The following MBD1 variants were observed in gnomAD, a reference collection of about 807,000 sequenced individuals.
MBD1 encodes the protein methyl-CpG binding domain protein 1.
A neutral mutation model predicts 82.6 loss-of-function variants in MBD1; 25 were observed. The observed-to-expected ratio is 0.30, with a 90% CI of 0.22 to 0.42. The LOEUF (loss-of-function observed/expected upper bound fraction) is 0.42. MBD1 is among the 10% of genes least tolerant of loss of function. The probability of loss-of-function intolerance (pLI) is 1.00; values close to 1 mark genes in which losing one functional copy is unlikely to be tolerated. For missense variants in MBD1, 627 were observed against 819.6 expected, an observed-to-expected ratio of 0.76 and a Z score of 2.87; for synonymous variants, 301 against 303.7, an observed-to-expected ratio of 0.99 and a Z score of 0.09.
At chr18:50,281,664 CT>C, upstream of MBD1, 1 of 436,076 alleles carries the variant, frequency 2.3e-6, no homozygotes, top group Non-Finnish European at 4.0e-6. Flanking sequence ...GCGCGCCCCC[CT>C]GCCGAGAGCC....
chr18:50,269,469 CTGGG>C lies in MBD1; in HGVS notation c.*378_*381del. The C allele has an allele frequency of 4.1e-6, 3 of 740,372 alleles. No homozygotes were observed. The highest frequency in any genetic ancestry group is 3.6e-4 in the Middle Eastern group (1 of 2,768). 45.9% of individuals were successfully genotyped at this position (740,372 alleles called of 1,614,324 possible). ...TGTTTTTACACTTGGAAGGTTGGTG[CTGGG>C]GCACCAGGCGTTGTTGCAGTTCACA... On this transcript the variant is annotated 3_prime_UTR_variant, in exon 17 of 17. Coordinates refer to ENST00000269468, the MANE Select transcript of MBD1 (RefSeq NM_015846.4).
intron 15 of MBD1, 115 bp from the exon 16 acceptor site, chr18:50,271,655 C>T (rs949960665): frequency 8.9e-7 from 1 of 1,125,384 alleles, no homozygotes; most frequent in Non-Finnish European, 1.3e-6. Flanking sequence ...CCTTAATTAT[C>T]CTTTATCTTT....
intron 2 of MBD1, chr18:50,279,606 G>A (rs2039419718): frequency 2.4e-6 from 1 of 411,676 alleles, no homozygotes; most frequent in Admixed American, 3.6e-5. Flanking sequence ...AAGCTGAAAA[G>A]GGCTCCTTCA....
At position 50,272,827 on chromosome 18, in the gene MBD1, G is replaced by C; in HGVS notation, c.1713C>G (p.Pro571=). The C allele has an allele frequency of 1.2e-6, 2 of 1,614,136 alleles. No individual in the cohort carries two copies. Among genetic ancestry groups the C allele is most frequent in the Non-Finnish European group, 1.7e-6 (2 of 1,179,998 alleles). The change falls in exon 14 of 17, where the codon CCC becomes CCG. Residue 571 remains proline (P), a synonymous_variant. Transcript: ENST00000269468. ...GTGGGGCATCCCCAGCACTGACCACGGGTGTGCCAGCCCCTCCTGCCTCTT... is the reference window on the plus strand; with the variant it reads ...GTGGGGCATCCCCAGCACTGACCACCGGTGTGCCAGCCCCTCCTGCCTCTT... The part of the protein sequence containing the change: ...PEEEAGGAGT[P]VITEIFSLGG...
At position 50,269,586 on chromosome 18, in the gene MBD1, G is replaced by T. The variant is rs1160068587; in HGVS notation, c.*265C>A. 1 of 718,788 alleles carries T rather than the reference G, an allele frequency of 1.4e-6. No individual in the cohort carries two copies. Among genetic ancestry groups the T allele is most frequent in the Admixed American group, 2.0e-5 (1 of 50,040 alleles). 44.5% of individuals were successfully genotyped at this position (718,788 alleles called of 1,614,324 possible). A position where few individuals can be genotyped will look rare whatever the true frequency, so the allele number is the denominator to read the frequency against. Reference sequence around the variant, plus strand: ...CCTGCAGCTGCTCCACCTTCCCCAGGATCATCCTTTCAGCTTCTCTAATTC... The same window carrying T: ...CCTGCAGCTGCTCCACCTTCCCCAGTATCATCCTTTCAGCTTCTCTAATTC... On this transcript the variant is annotated 3_prime_UTR_variant, in exon 17 of 17. Coordinates refer to ENST00000269468, the MANE Select transcript of MBD1 (RefSeq NM_015846.4).
intron 10 of MBD1, 23 bp downstream of exon 10, chr18:50,274,954 C>A: frequency 6.2e-7 from 1 of 1,613,324 alleles, no homozygotes. Flanking sequence ...CTAGGCTTAT[C>A]CAGGTAGGGT....
intron 1 of MBD1, 132 bp from the exon 2 acceptor site, chr18:50,280,149 C>T: frequency 1.3e-6 from 1 of 774,500 alleles, no homozygotes; most frequent in Non-Finnish European, 2.0e-6. Context: ...GCAACCAGCC[C>T]ATATATGGAA....
rs775060689 is a variant in MBD1 at position 50,273,804 on chromosome 18, A to G, written c.1206T>C (p.Pro402=). ...AGCTGGGCCTCTTTCGACGACGGTA[A>G]GGTGGGGGCGATCCTGCCCCATCCT... ...ESEDGAGSPP[P]YRRRKRPSSA... Residue 402 remains proline, a synonymous_variant, in exon 12 of 17, where the codon CCT becomes CCC. Transcript: ENST00000269468. The G allele has an allele frequency of 8.1e-6, 13 of 1,613,772 alleles. No individual in the cohort carries two copies. Among genetic ancestry groups the G allele is most frequent in the Admixed American group, 1.7e-5 (1 of 60,014 alleles).
At position 50,275,643 on chromosome 18, in the gene MBD1, C is replaced by T. The variant is rs758905952; in HGVS notation, c.749G>A (p.Gly250Asp). Residue 250 changes from glycine to aspartate, a missense_variant, in exon 8 of 17, where the codon GGT becomes GAT. This residue lies in a region of MBD1 where 228 missense variants were observed against 318.1 expected (regional missense o/e 0.72). Coordinates refer to ENST00000269468, the MANE Select transcript of MBD1 (RefSeq NM_015846.4). ...GACACATTTCCACTGGCGCCTGAGA[C>T]CAGGGCGGGGAGGGCGAAGGCAGAT... ...CPICLRPPRP[G>D]LRRQWKCVQR... 1.9e-6 allele frequency: 3 copies of T among 1,614,200 alleles called. No homozygotes were observed. Among genetic ancestry groups the T allele is most frequent in the Non-Finnish European group, 2.5e-6 (3 of 1,180,028 alleles).
At chr18:50,277,055 C>A in intron 3 of MBD1, 35 bp downstream of exon 3, 1 of 1,613,830 alleles carries the variant, frequency 6.2e-7, no homozygotes, top group Non-Finnish European at 8.5e-7. Flanking sequence ...GGTGGCACAT[C>A]CACCCCTACC....
intron 1 of MBD1, among the ~76,000 whole-genome samples, chr18:50,280,341 C>T (rs1568274246): frequency 6.6e-6 from 1 of 151,914 alleles, no homozygotes; most frequent in Non-Finnish European, 1.5e-5. Context: ...CATCCTTCCC[C>T]CTCATTCCTC....
At chr18:50,276,100 C>T (rs952508755) in intron 6 of MBD1, 119 bp from the exon 7 acceptor site, 52 of 1,305,566 alleles carry the variant, frequency 4.0e-5, no homozygotes, top group Middle Eastern at 5.0e-4. Context: ...TTAGCCTCAT[C>T]ACCGTATCTG....
chr18:50,280,484 C>T (rs975429734), intron 1 of MBD1, among the ~76,000 whole-genome samples: 2 of 151,906 alleles, frequency 1.3e-5, no homozygotes, highest in African/African-American at 4.8e-5. Context: ...TCATTCCCCC[C>T]TTCCTTGACC....
At position 50,276,732 on chromosome 18, in the gene MBD1, G is replaced by T. The variant is rs114907308; in HGVS notation, c.405C>A (p.Asn135Lys). 1 of 1,614,100 alleles carries T rather than the reference G, an allele frequency of 6.2e-7. No individual in the cohort carries two copies. Among genetic ancestry groups the T allele is most frequent in the Non-Finnish European group, 8.5e-7 (1 of 1,180,046 alleles). ...ASFPAPGCCE[N>K]CGISFSGDGT... The stretch of plus-strand genomic sequence containing the variant: ...CATCCCCTGAGAAGCTGATTCCACA[G>T]TTCTCACAGCACCTGGGATGGGAAA... Residue 135 changes from asparagine (N) to lysine (K), a missense_variant, in exon 5 of 17, where the codon AAC becomes AAA. By Grantham distance (94) the Asn-to-Lys change is moderately conservative. Around this residue, in one of 6 missense-constraint regions of MBD1, gnomAD observed 5 missense variants for 18.7 expected, o/e 0.27. Transcript: ENST00000269468.
downstream of MBD1, chr18:50,267,404 C>T (rs909369996): frequency 2.0e-6 from 1 of 511,806 alleles, no homozygotes; most frequent in Non-Finnish European, 3.5e-6. Flanking sequence ...TGGCAGAAAC[C>T]AGGGCTTAGA....
At position 50,275,642 on chromosome 18, in the gene MBD1, A is replaced by C. The variant is rs1227093152; in HGVS notation, c.750T>G (p.Gly250=). The C allele has an allele frequency of 6.2e-7, 1 of 1,614,004 alleles. No individual in the cohort carries two copies. Among genetic ancestry groups the C allele is most frequent in the Non-Finnish European group, 8.5e-7 (1 of 1,180,018 alleles). ...CPICLRPPRP[G]LRRQWKCVQR... ...GGACACATTTCCACTGGCGCCTGAGACCAGGGCGGGGAGGGCGAAGGCAGA... is the reference window on the plus strand; with the variant it reads ...GGACACATTTCCACTGGCGCCTGAGCCCAGGGCGGGGAGGGCGAAGGCAGA... Residue 250 remains glycine, a synonymous_variant, in exon 8 of 17, where the codon GGT becomes GGG. Transcript: ENST00000269468.
rs1471656097 is a variant in MBD1 at position 50,274,877 on chromosome 18, C to A, written c.978+100G>T. ...CCCATCCTAGGACCCATTATTGTGC[C>A]TTGCTGTTCCCCAATAGGCTCATTC... On this transcript the variant is annotated intron_variant, in intron 10 of 16. Transcript: ENST00000269468. 4 of 1,241,496 alleles carry A rather than the reference C, an allele frequency of 3.2e-6. No homozygotes were observed. In the African/African-American group the frequency reaches 5.9e-5, roughly 18 times the overall value. The allele number at this position is 1,241,496 out of a possible 1,614,324, so 76.9% of individuals were successfully genotyped here.
At chr18:50,274,051 A>T (rs140689) in intron 11 of MBD1, 135 bp downstream of exon 11, 483,008 of 1,386,462 alleles carry the variant, frequency 0.35, 89,811 homozygotes, top group Non-Finnish European at 0.39. Flanking sequence ...TCATTAAGCC[A>T]AGAACAATGT....
At chr18:50,275,075 C>A in intron 9 of MBD1, 30 bp from the exon 10 acceptor site, 4 of 1,613,552 alleles carry the variant, frequency 2.5e-6, no homozygotes, top group Non-Finnish European at 3.4e-6. Flanking sequence ...GGGGTCAGGG[C>A]AGGTACTGGG....
Sources: allele counts gnomAD v4.1 joint callset (sites outside exome capture counted in the v4.1 genomes callset), GRCh38; gene constraint gnomAD v4.1.1; regional missense constraint gnomAD v4.1.1; transcripts MANE v1.5; gene names NCBI Gene and HGNC (gene_info 2026-07-23, HGNC 2026-07-21).